EMCN: variants seen among roughly 807,000 people sequenced by gnomAD.
The protein encoded by EMCN is endomucin.
EMCN carries 37 observed loss-of-function variants against 38.4 expected under a neutral mutation model. That is an observed-to-expected ratio of 0.96 (90% confidence interval 0.74 to 1.27). EMCN has a LOEUF of 1.27. Among genes scored for constraint, EMCN ranks in the 50% most tolerant of loss-of-function variants. The probability of loss-of-function intolerance (pLI) is 0.00; values close to 1 mark genes in which losing one functional copy is unlikely to be tolerated. For missense variants in EMCN, 318 were observed against 302.8 expected, an observed-to-expected ratio of 1.05 and a Z score of -0.37; for synonymous variants, 95 against 100.8, an observed-to-expected ratio of 0.94 and a Z score of 0.35.
chr4:100,469,948 T>G (rs357663), intron 3 of EMCN, among the ~76,000 whole-genome samples: 59,935 of 151,776 alleles, frequency 0.39, 14,618 homozygotes, highest in Non-Finnish European at 0.56. Context: ...TCAATGTTAG[T>G]TTAATAGACA....
intron 6 of EMCN, 21 bp downstream of exon 6, chr4:100,423,291 T>G: frequency 6.3e-7 from 1 of 1,578,206 alleles, no homozygotes; most frequent in Non-Finnish European, 8.7e-7. Context: ...AGATTTCCAC[T>G]CAGGCACACA....
chr4:100,476,654 A>AT (rs1728659635), intron 2 of EMCN, among the ~76,000 whole-genome samples: 3 of 152,198 alleles, frequency 2.0e-5, no homozygotes, highest in Non-Finnish European at 4.4e-5. Flanking sequence ...CATTCATGCC[A>AT]TTTTCCAAAA....
At chr4:100,482,051 T>C (rs2110282974) in intron 1 of EMCN, among the ~76,000 whole-genome samples, 1 of 152,252 alleles carries the variant, frequency 6.6e-6, no homozygotes, top group South Asian at 2.1e-4. Context: ...TCACATGATA[T>C]CAAACATTAC....
chr4:100,502,903 T>C (rs1240039961), intron 1 of EMCN, among the ~76,000 whole-genome samples: 2 of 152,172 alleles, frequency 1.3e-5, no homozygotes, highest in Non-Finnish European at 2.9e-5. Flanking sequence ...TAAAACCAAC[T>C]TCACATTGAT....
chr4:100,462,613 A>G (rs1728210968), intron 4 of EMCN, among the ~76,000 whole-genome samples: 1 of 152,132 alleles, frequency 6.6e-6, no homozygotes, highest in South Asian at 2.1e-4. Context: ...GGGCCATCAT[A>G]TTATACGTAG....
Position 100,397,352 on chromosome 4 carries a change from C to T in EMCN, c.*1061G>A, listed in dbSNP as rs1327852389. 1 of 152,082 alleles carries T rather than the reference C, an allele frequency of 6.6e-6. No individual in the cohort carries two copies. The highest frequency in any genetic ancestry group is 1.9e-4 in the East Asian group (1 of 5,180). 9.4% of individuals were successfully genotyped at this position (152,082 alleles called of 1,614,324 possible). Reference sequence around the variant, plus strand: ...TTAGCTTTTAACAGAAGAATTTGCTCCTGATGGAGTGGCAGCTATAATCAT... The same window carrying T: ...TTAGCTTTTAACAGAAGAATTTGCTTCTGATGGAGTGGCAGCTATAATCAT... On this transcript the variant is annotated 3_prime_UTR_variant, in exon 12 of 12. Transcript: ENST00000296420.
chr4:100,423,642 A>G (rs1726961658), intron 5 of EMCN, among the ~76,000 whole-genome samples: 1 of 152,186 alleles, frequency 6.6e-6, no homozygotes, highest in Non-Finnish European at 1.5e-5. Context: ...GAACTCGCCA[A>G]GAAAACTTCA....
At chr4:100,446,047 A>G (rs147272920) in intron 5 of EMCN, 1 of 983,918 alleles carries the variant, frequency 1.0e-6, no homozygotes, top group African/African-American at 1.7e-5. Context: ...AAACAAAATG[A>G]AGGATCCTTC....
At chr4:100,463,583 A>C (rs769282736) in intron 4 of EMCN, among the ~76,000 whole-genome samples, 1 of 152,170 alleles carries the variant, frequency 6.6e-6, no homozygotes, top group Non-Finnish European at 1.5e-5. Flanking sequence ...TGCAACCATC[A>C]TCATAACATA....
intron 1 of EMCN, among the ~76,000 whole-genome samples, chr4:100,482,623 T>C (rs1275061603): frequency 1.3e-5 from 2 of 152,004 alleles, no homozygotes; most frequent in Non-Finnish European, 2.9e-5. Context: ...AGGAACATAG[T>C]GCGCATGATC....
chr4:100,458,616 G>A (rs1728082377), intron 4 of EMCN, among the ~76,000 whole-genome samples: 1 of 152,100 alleles, frequency 6.6e-6, no homozygotes, highest in Admixed American at 6.5e-5. Flanking sequence ...AACATAGGAT[G>A]TGGGGGCAAT....
intron 5 of EMCN, among the ~76,000 whole-genome samples, chr4:100,427,744 C>T (rs764762103): frequency 6.6e-6 from 1 of 152,080 alleles, no homozygotes; most frequent in Non-Finnish European, 1.5e-5. Flanking sequence ...CCATCCCAGA[C>T]CTTTTCCTAA....
rs199976013 is a variant in EMCN at position 100,480,027 on chromosome 4, G to A, written c.77C>T (p.Ala26Val). Reference sequence around the variant, plus strand: ...AGTAACAACAAGTGAATTATTAGCTGCCTCTAAAACACCTGAAAAAAGTAA... The same window carrying A: ...AGTAACAACAAGTGAATTATTAGCTACCTCTAAAACACCTGAAAAAAGTAA... Reference protein sequence around the residue: ...CSSNSTGVLEAANNSLVVTTT... With the variant: ...CSSNSTGVLEVANNSLVVTTT... The change falls in exon 2 of 12, where the codon GCA becomes GTA. Residue 26 changes from alanine (A) to valine (V), a missense_variant. By Grantham distance (64) the Ala-to-Val change is moderately conservative. Coordinates refer to ENST00000296420, the MANE Select transcript of EMCN (RefSeq NM_016242.4). 1 of 1,604,236 alleles carries A rather than the reference G, an allele frequency of 6.2e-7. No individual in the cohort carries two copies. The highest frequency in any genetic ancestry group is 1.3e-5 in the African/African-American group (1 of 74,250).
In EMCN at chr4:100,449,344, G is replaced by A. The variant is rs926218501; in HGVS notation, c.377-1773C>T. On this transcript the variant is annotated intron_variant, in intron 4 of 11. Coordinates refer to ENST00000296420, the MANE Select transcript of EMCN (RefSeq NM_016242.4). ...TTGCAGATCTGTAAACATTAGCTGA[G>A]AGTAGTAAAATTAATTTCTTAAGGA... Among the ~76,000 whole-genome samples, 4 of 152,066 alleles carry A rather than the reference G, an allele frequency of 2.6e-5. No individual in the cohort carries two copies. The South Asian group carries it at 8.3e-4, about 31-fold the overall frequency.
intron 9 of EMCN, among the ~76,000 whole-genome samples, chr4:100,416,872 A>G (rs1186793318): frequency 6.6e-6 from 1 of 152,042 alleles, no homozygotes; most frequent in Non-Finnish European, 1.5e-5. Flanking sequence ...TTTCCCTCAT[A>G]ATTATATTCA....
intron 1 of EMCN, among the ~76,000 whole-genome samples, chr4:100,484,095 C>T (rs1369935488): frequency 6.6e-6 from 1 of 152,106 alleles, no homozygotes; most frequent in Non-Finnish European, 1.5e-5. Context: ...TCCTGTACTA[C>T]AAAGGATGAA....
chr4:100,470,319 A>G (rs1236695687), intron 3 of EMCN, among the ~76,000 whole-genome samples: 1 of 151,908 alleles, frequency 6.6e-6, no homozygotes, highest in Non-Finnish European at 1.5e-5. Context: ...GAGACATGCA[A>G]ATCAAAACCA....
At chr4:100,499,028 T>C (rs1055701175) in intron 1 of EMCN, among the ~76,000 whole-genome samples, 7 of 152,278 alleles carry the variant, frequency 4.6e-5, no homozygotes, top group Middle Eastern at 3.4e-3. Context: ...ATTTTTTCAG[T>C]GGTTAATTAG....
intron 11 of EMCN, among the ~76,000 whole-genome samples, 190 bp downstream of exon 11, chr4:100,410,092 A>C (rs184278959): frequency 7.5e-4 from 114 of 152,308 alleles, no homozygotes; most frequent in Admixed American, 3.3e-3. Context: ...ATCGTCTACA[A>C]CCACCAGGTC....
Sources: gnomAD v4.1 joint callset for allele counts (sites outside exome capture counted in the v4.1 genomes callset) on GRCh38, gnomAD v4.1.1 for gene constraint, MANE v1.5 for transcripts, NCBI Gene and HGNC (gene_info 2026-07-23, HGNC 2026-07-21) for gene names.